XIRP2: variants seen among roughly 807,000 people sequenced by gnomAD.
XIRP2 encodes the protein xin actin-binding repeat-containing protein 2.
Under a neutral mutation model 277.0 loss-of-function variants are expected in XIRP2, and 236 were observed. The ratio of observed to expected loss-of-function variants is 0.85; its 90% confidence interval spans 0.77 to 0.95. XIRP2 has a LOEUF of 0.95. Among genes scored for constraint, XIRP2 ranks in the 40% least tolerant of loss-of-function variants. The probability of loss-of-function intolerance (pLI) is 0.00; values close to 1 mark genes in which losing one functional copy is unlikely to be tolerated. For missense variants in XIRP2, 4,640 were observed against 4,157.5 expected, an observed-to-expected ratio of 1.12 and a Z score of -3.19; for synonymous variants, 1,490 against 1,416.5, an observed-to-expected ratio of 1.05 and a Z score of -1.17.
rs550529718 is a variant in XIRP2 at position 166,975,930 on chromosome 2, C to CAAAAAAAAAAAAAAAAA, written c.408+72055_408+72071dup. On this transcript the variant is annotated intron_variant, in intron 2 of 10. Transcript: ENST00000409195. ...TGGGTGACAGAGCGAGACTCCGTCT[C>CAAAAAAAAAAAAAAAAA]AAAAAAAAAAAAAAAAAAAAAAAAA... 1.3e-4 allele frequency among the ~76,000 whole-genome samples: 6 copies of CAAAAAAAAAAAAAAAAA among 45,710 alleles called. 1 individual carries two copies. The highest frequency in any genetic ancestry group is 5.9e-4 in the East Asian group (1 of 1,708). The allele number at this position is 45,710 out of a possible 152,430, so 30.0% of individuals were successfully genotyped here. A position where few individuals can be genotyped will look rare whatever the true frequency, so the allele number is the denominator to read the frequency against.
At chr2:167,065,332 C>T (rs1451989171) in intron 2 of XIRP2, among the ~76,000 whole-genome samples, 1 of 151,760 alleles carries the variant, frequency 6.6e-6, no homozygotes, top group African/African-American at 2.4e-5. Flanking sequence ...CTCCTTTGCC[C>T]ATTTTTTTAA....
At chr2:167,180,406 G>T (rs191483035) in intron 3 of XIRP2, among the ~76,000 whole-genome samples, 1 of 151,700 alleles carries the variant, frequency 6.6e-6, no homozygotes, top group Admixed American at 6.6e-5. Context: ...CCTGTGTTAT[G>T]GAAAAATTTC....
intron 2 of XIRP2, among the ~76,000 whole-genome samples, chr2:166,911,767 T>G: frequency 6.6e-6 from 1 of 152,228 alleles, no homozygotes; most frequent in East Asian, 1.9e-4. Context: ...CTTTCCATGT[T>G]TAGTGCTTCC....
chr2:166,915,567 G>T (rs186802191), intron 2 of XIRP2, among the ~76,000 whole-genome samples: 3 of 152,220 alleles, frequency 2.0e-5, no homozygotes, highest in Admixed American at 1.3e-4. Flanking sequence ...CTGTCCATAG[G>T]TATTAGAGAA....
chr2:167,065,634 C>T (rs1295107863), intron 2 of XIRP2, among the ~76,000 whole-genome samples: 2 of 151,676 alleles, frequency 1.3e-5, no homozygotes, highest in African/African-American at 4.8e-5. Flanking sequence ...AAAACGTTTT[C>T]AATTGAAAAA....
intron 2 of XIRP2, among the ~76,000 whole-genome samples, chr2:167,075,938 A>G (rs1033461349): frequency 1.3e-5 from 2 of 152,022 alleles, no homozygotes; most frequent in Non-Finnish European, 2.9e-5. Context: ...GGCCTCCCAA[A>G]GTGATGGAAT....
intron 2 of XIRP2, among the ~76,000 whole-genome samples, chr2:167,085,861 A>C (rs1354234914): frequency 1.3e-5 from 2 of 152,154 alleles, no homozygotes; most frequent in Admixed American, 1.3e-4. Flanking sequence ...GGGTTTCCTG[A>C]ATACAGCACA....
rs544901681 is a variant in XIRP2, at chr2:167,040,864, G to T, written c.409-95045G>T. ...CTGCCCACAACCATTCTCCACTAAC[G>T]TGCACCAACCTGCAGCCTCCCCCTG... On this transcript the variant is annotated intron_variant, in intron 2 of 10. Transcript: ENST00000409195. Among the ~76,000 whole-genome samples, 3 of 152,080 alleles carry T rather than the reference G, an allele frequency of 2.0e-5. No homozygotes were observed. The South Asian group carries it at 6.2e-4, about 32-fold the overall frequency.
At chr2:167,176,238 G>T (rs954093617) in intron 3 of XIRP2, among the ~76,000 whole-genome samples, 7 of 152,174 alleles carry the variant, frequency 4.6e-5, no homozygotes, top group African/African-American at 1.7e-4. Context: ...GAAACGAAGG[G>T]CCTTCTCTTG....
intron 2 of XIRP2, among the ~76,000 whole-genome samples, chr2:166,957,312 A>T (rs1459966713): frequency 1.3e-5 from 2 of 151,762 alleles, no homozygotes; most frequent in Non-Finnish European, 2.9e-5. Context: ...AACTTTTCTT[A>T]CTTTTCTGAT....
At position 167,182,977 on chromosome 2, in the gene XIRP2, G is replaced by A. The variant is rs529829446; in HGVS notation, c.563-27758G>A. Among the ~76,000 whole-genome samples the A allele has an allele frequency of 1.9e-4, 29 of 152,268 alleles. No homozygotes were observed. In the East Asian group the frequency reaches 2.9e-3, roughly 15 times the overall value. ...AGCACCAGCCAAAATAGAAAAGGGA[G>A]TGAATTCAAAATGTCTCATAGCCTA... On this transcript the variant is annotated intron_variant, in intron 3 of 10. Transcript: ENST00000409195.
intron 5 of XIRP2, among the ~76,000 whole-genome samples, chr2:167,231,077 AT>A (rs1030147052): frequency 3.3e-5 from 5 of 152,014 alleles, no homozygotes; most frequent in African/African-American, 7.2e-5. Flanking sequence ...ACAAGTTATC[AT>A]TTTTTGTCAT....
At chr2:167,198,447 C>G (rs1693583581) in intron 3 of XIRP2, among the ~76,000 whole-genome samples, 1 of 152,114 alleles carries the variant, frequency 6.6e-6, no homozygotes, top group African/African-American at 2.4e-5. Flanking sequence ...AGAGAGGAAT[C>G]AAAATGCAGT....
chr2:166,915,701 A>G (rs1364551172), intron 2 of XIRP2, among the ~76,000 whole-genome samples: 2 of 152,198 alleles, frequency 1.3e-5, no homozygotes, highest in Non-Finnish European at 2.9e-5. Flanking sequence ...CATGTCTTTT[A>G]GACTCCAAAT....
rs1433202266 is a variant in XIRP2 at position 167,227,651 on chromosome 2, A to T, written c.858+9351A>T. Reference sequence around the variant, plus strand: ...GAGCCCAGGTGTTCAAAGCCACAGTAAGCCATGATCACACCACTGCACTCC... The same window carrying T: ...GAGCCCAGGTGTTCAAAGCCACAGTTAGCCATGATCACACCACTGCACTCC... On this transcript the variant is annotated intron_variant, in intron 5 of 10. Coordinates refer to ENST00000409195, the MANE Select transcript of XIRP2 (RefSeq NM_152381.6). Among the ~76,000 whole-genome samples the T allele has an allele frequency of 3.9e-5, 6 of 152,046 alleles. No homozygotes were observed. In the East Asian group the frequency reaches 7.7e-4, roughly 20 times the overall value.
intron 2 of XIRP2, among the ~76,000 whole-genome samples, chr2:167,088,078 T>C (rs541385426): frequency 1.3e-5 from 2 of 152,258 alleles, no homozygotes; most frequent in South Asian, 4.1e-4. Flanking sequence ...GCAACAGCTA[T>C]CTTAAAATAT....
Position 167,248,343 on chromosome 2 carries a change from G to A in XIRP2, c.6951G>A (p.Met2317Ile), listed in dbSNP as rs1695349201. The change falls in exon 9 of 11, where the codon ATG (methionine) becomes ATA (isoleucine). Residue 2317 changes from methionine (M) to isoleucine (I), a missense_variant. By Grantham distance (10) the Met-to-Ile change is conservative (BLOSUM62 1). Transcript: ENST00000409195. ...EFPLPPPPPL[M>I]MFPEKNGFLP... is the part of the protein sequence containing the mutation. ...CTCTTCCTCCTCCACCTCCTTTGAT[G>A]ATGTTTCCTGAAAAAAATGGGTTTC... The A allele has an allele frequency of 6.2e-7, 1 of 1,613,392 alleles. No individual in the cohort carries two copies. The highest frequency in any genetic ancestry group is 1.1e-5 in the South Asian group (1 of 91,072).
intron 1 of XIRP2, among the ~76,000 whole-genome samples, chr2:166,890,639 A>C (rs182748950): frequency 6.6e-6 from 1 of 152,286 alleles, no homozygotes; most frequent in African/African-American, 2.4e-5. Context: ...CAAATTTTGC[A>C]TGCTTCTTTT....
At chr2:166,976,240 T>C (rs1281574014) in intron 2 of XIRP2, among the ~76,000 whole-genome samples, 1 of 152,138 alleles carries the variant, frequency 6.6e-6, no homozygotes, top group East Asian at 1.9e-4. Flanking sequence ...CTCCTTGTTA[T>C]CTGGTTTCCT....
Sources: gnomAD v4.1 joint callset for allele counts (sites outside exome capture counted in the v4.1 genomes callset) on GRCh38, gnomAD v4.1.1 for gene constraint, MANE v1.5 for transcripts, NCBI Gene and HGNC (gene_info 2026-07-23, HGNC 2026-07-21) for gene names.